Variants in EIF4ENIF1 observed in about 807,000 individuals in gnomAD.
The protein encoded by EIF4ENIF1 is eukaryotic translation initiation factor 4E transporter.
In EIF4ENIF1, 23 loss-of-function variants were observed where a neutral mutation model predicts 110.5. The observed-to-expected ratio is 0.21, with a 90% CI of 0.15 to 0.29. The LOEUF (loss-of-function observed/expected upper bound fraction) is 0.29, where lower values mean the gene tolerates loss of function less well. Among genes scored for constraint, EIF4ENIF1 ranks in the 10% least tolerant of loss-of-function variants. The pLI is 1.00. For missense variants in EIF4ENIF1, 1,031 were observed against 1,221.1 expected (o/e 0.84, Z 2.32); for synonymous variants, 440 against 437.0 (o/e 1.01, Z -0.09).
At chr22:31,443,149 C>T in intron 15 of EIF4ENIF1, 55 bp from the exon 16 acceptor site, 1 of 1,595,366 alleles carries the variant, frequency 6.3e-7, no homozygotes, top group Non-Finnish European at 8.5e-7. Context: ...TTCTCTAATA[C>T]TAAGCCAGGA....
Position 31,443,042 on chromosome 22 carries a change from T to C in EIF4ENIF1, c.2126A>G (p.Lys709Arg), listed in dbSNP as rs2050353190. 1.2e-6 allele frequency: 2 copies of C among 1,614,052 alleles called. No homozygotes were observed. Among genetic ancestry groups the C allele is most frequent in the African/African-American group, 1.3e-5 (1 of 74,928 alleles). Residue 709 changes from lysine to arginine, a missense_variant, in exon 16 of 19, where the codon AAA becomes AGA. Physicochemically the swap from Lys to Arg is conservative, Grantham distance 26. Coordinates refer to ENST00000330125, the MANE Select transcript of EIF4ENIF1 (RefSeq NM_019843.4). The part of the protein sequence containing the change: ...TSVIRKMYES[K>R]EKSKEEPASG... ...TGCTGGCTCCTCCTTGCTTTTCTCT[T>C]TGCTCTCGTACATCTTACGAATCAC... is the stretch of plus-strand genomic sequence containing the variant.
chr22:31,478,452 GTTGTAGTGAGCCGAGA>G (rs957855245), intron 2 of EIF4ENIF1, among the ~76,000 whole-genome samples: 13 of 142,286 alleles, frequency 9.1e-5, no homozygotes, highest in African/African-American at 3.4e-4. Context: ...GGAGACAGAG[GTTGTAGTGAGCCGAGA>G]TCATGCCACA....
chr22:31,447,349 A>G (rs1291694581), intron 14 of EIF4ENIF1, 77 bp downstream of exon 14: 1 of 1,561,476 alleles, frequency 6.4e-7, no homozygotes, highest in Non-Finnish European at 8.7e-7. Flanking sequence ...CAACAGAATT[A>G]TACTGCAGAT....
At position 31,456,437 on chromosome 22, in the gene EIF4ENIF1, A is replaced by G. The variant is rs551750242; in HGVS notation, c.964-450T>C. On this transcript the variant is annotated intron_variant, in intron 7 of 18. Transcript: ENST00000330125. ...ACGGGGTTTTACCGTGTTAGCCAGG[A>G]TGGTCTCGATCTCCTGACCTTGTGA... 2.6e-5 allele frequency among the ~76,000 whole-genome samples: 4 copies of G among 151,766 alleles called. No homozygotes were observed. In the East Asian group the frequency reaches 5.8e-4, roughly 22 times the overall value.
intron 17 of EIF4ENIF1, 23 bp downstream of exon 17, chr22:31,441,751 C>T (rs1183122923): frequency 6.3e-7 from 1 of 1,588,824 alleles, no homozygotes; most frequent in East Asian, 2.2e-5. Flanking sequence ...ACTGACGACA[C>T]CCAAGTCAGG....
intron 2 of EIF4ENIF1, among the ~76,000 whole-genome samples, chr22:31,484,021 C>T (rs183080979): frequency 1.2e-4 from 18 of 152,302 alleles, no homozygotes; most frequent in African/African-American, 3.8e-4. Context: ...CAATGAACAT[C>T]ATCTGAACCC....
In EIF4ENIF1 at chr22:31,457,557, A is replaced by C. The variant is rs577669669; in HGVS notation, c.963+918T>G. ...TCAAAAACTGGTACATGGATGACAG[A>C]ATTAGTGACTGTTTTATTTGAAATC... On this transcript the variant is annotated intron_variant, in intron 7 of 18. Transcript: ENST00000330125. Among the ~76,000 whole-genome samples, 155 of 152,214 alleles carry C rather than the reference A, an allele frequency of 1.0e-3. 1 individual carries two copies. The highest frequency in any genetic ancestry group is 1.4e-3 in the Non-Finnish European group (92 of 68,032).
intron 6 of EIF4ENIF1, among the ~76,000 whole-genome samples, chr22:31,462,157 A>G (rs917285207): frequency 2.0e-5 from 3 of 151,984 alleles, no homozygotes; most frequent in Non-Finnish European, 4.4e-5. Flanking sequence ...TTAGGGAAAC[A>G]GTATGATCTA....
chr22:31,464,131 T>C, intron 4 of EIF4ENIF1, 164 bp from the exon 5 acceptor site: 2 of 803,070 alleles, frequency 2.5e-6, no homozygotes, highest in Non-Finnish European at 3.8e-6. Context: ...ACATTATGTA[T>C]TTAAATAAGG....
chr22:31,459,606 C>CT (rs1240677351), intron 6 of EIF4ENIF1, among the ~76,000 whole-genome samples: 1 of 152,156 alleles, frequency 6.6e-6, no homozygotes, highest in Admixed American at 6.5e-5. Flanking sequence ...AGGCTAAACT[C>CT]TGAGGGTAGG....
intron 10 of EIF4ENIF1, chr22:31,450,753 C>CACATACATATAT (rs1394906653): frequency 7.5e-6 from 2 of 265,604 alleles, no homozygotes; most frequent in African/African-American, 2.2e-5. Context: ...CATATATACA[C>CACATACATATAT]ACATACATAT....
In EIF4ENIF1 at chr22:31,447,527, C is replaced by A. The variant is rs1440735596; in HGVS notation, c.1887G>T (p.Gly629=). Residue 629 remains glycine, a synonymous_variant, in exon 14 of 19, where the codon GGG becomes GGT. Coordinates refer to ENST00000330125, the MANE Select transcript of EIF4ENIF1 (RefSeq NM_019843.4). The part of the protein sequence containing the change: ...QLELQQAALE[G]LALPHDLAVQ... ...CAGCAAGGTCATGTGGCAAGGCCAG[C>A]CCTTCTAAAGCTGCCTGTTGCAACT... The A allele has an allele frequency of 6.2e-7, 1 of 1,611,846 alleles. No homozygotes were observed.
At chr22:31,442,254 G>T in intron 16 of EIF4ENIF1, 136 bp from the exon 17 acceptor site, 1 of 688,846 alleles carries the variant, frequency 1.5e-6, no homozygotes, top group Non-Finnish European at 2.4e-6. Context: ...GGACTACACG[G>T]TAGGAACCAT....
chr22:31,453,392 T>G (rs1433870844), intron 10 of EIF4ENIF1: 2 of 415,238 alleles, frequency 4.8e-6, no homozygotes, highest in East Asian at 1.5e-4. Flanking sequence ...TTTTTTTTTT[T>G]TGGAGACAGT....
intron 16 of EIF4ENIF1, 147 bp from the exon 17 acceptor site, chr22:31,442,265 C>A: frequency 3.0e-6 from 2 of 658,362 alleles, no homozygotes; most frequent in Non-Finnish European, 5.2e-6. Flanking sequence ...TAGGAACCAT[C>A]GTTTGCTTCA....
chr22:31,440,178 C>T, intron 18 of EIF4ENIF1, 57 bp from the exon 19 acceptor site: 1 of 1,612,610 alleles, frequency 6.2e-7, no homozygotes, highest in Non-Finnish European at 8.5e-7. Flanking sequence ...TTATTAGACC[C>T]TGCTTCATTC....
rs201513539 is a variant in EIF4ENIF1 at position 31,458,646 on chromosome 22, T to G, written c.792A>C (p.Ile264=). The G allele has an allele frequency of 4.4e-6, 7 of 1,579,170 alleles. No homozygotes were observed. Among genetic ancestry groups the G allele is most frequent in the Non-Finnish European group, 4.3e-6 (5 of 1,159,360 alleles). Residue 264 remains isoleucine (I), a synonymous_variant, in exon 7 of 19, where the codon ATA becomes ATC. Coordinates refer to ENST00000330125, the MANE Select transcript of EIF4ENIF1 (RefSeq NM_019843.4). The part of the protein sequence containing the change: ...RRRTASVKEG[I]VECNGGVAEE... ...CGGCCACTCCTCCATTGCACTCTAC[T>G]ATACCTGAAAGCAAAACCAGGACAA... is the stretch of plus-strand genomic sequence containing the variant.
At chr22:31,468,144 T>C in intron 4 of EIF4ENIF1, 31 bp downstream of exon 4, 3 of 1,600,064 alleles carry the variant, frequency 1.9e-6, no homozygotes, top group Non-Finnish European at 2.6e-6. Context: ...CCAAAATCAC[T>C]AACCCCACTT....
chr22:31,454,358 A>G lies in EIF4ENIF1; in HGVS notation c.1298T>C (p.Leu433Pro). ...LKESSHSGVV[L>P]SVEEVEAGLK... is the part of the protein sequence containing the mutation. ...ACCTGCTTCTACCTCCTCCACTGAA[A>G]GCACAACCCCTGAATGTGCTGAGAA... The change falls in exon 10 of 19, where the codon CTT becomes CCT. Residue 433 changes from leucine to proline, a missense_variant. Leu to Pro is a moderately conservative substitution (Grantham distance 98). Transcript: ENST00000330125. 1 of 1,614,128 alleles carries G rather than the reference A, an allele frequency of 6.2e-7. No individual in the cohort carries two copies. The highest frequency in any genetic ancestry group is 1.1e-5 in the South Asian group (1 of 91,080).
Sources: allele counts gnomAD v4.1 joint callset (sites outside exome capture counted in the v4.1 genomes callset), GRCh38; gene constraint gnomAD v4.1.1; transcripts MANE v1.5; gene names NCBI Gene and HGNC (gene_info 2026-07-23, HGNC 2026-07-21).